The following GRM8 variants were observed in gnomAD, a reference collection of about 807,000 sequenced individuals.
GRM8 encodes glutamate metabotropic receptor 8.
Under a neutral mutation model 87.2 loss-of-function variants are expected in GRM8, and 47 were observed. The observed-to-expected ratio is 0.54, with a 90% CI of 0.43 to 0.69. The LOEUF is 0.69. Ranked by LOEUF, GRM8 falls within the 30% of genes least tolerant of loss-of-function variation. The probability of loss-of-function intolerance (pLI) is 0.00; values close to 1 mark genes in which losing one functional copy is unlikely to be tolerated. For missense variants in GRM8, 1,019 were observed against 1,139.2 expected (o/e 0.89, Z 1.52); for synonymous variants, 396 against 404.5 (o/e 0.98, Z 0.25).
At chr7:127,117,143 T>TA (rs1248498751) in intron 2 of GRM8, among the ~76,000 whole-genome samples, 1 of 152,122 alleles carries the variant, frequency 6.6e-6, no homozygotes. Flanking sequence ...CTTAGGAAAG[T>TA]AAAAAATAAG....
At chr7:126,696,042 A>G (rs1407666346) in intron 7 of GRM8, among the ~76,000 whole-genome samples, 2 of 152,122 alleles carry the variant, frequency 1.3e-5, no homozygotes, top group Non-Finnish European at 2.9e-5. Flanking sequence ...ACCAGGTAAA[A>G]TGTGATGACG....
At chr7:126,516,760 A>C (rs940192847) in intron 9 of GRM8, among the ~76,000 whole-genome samples, 1 of 152,120 alleles carries the variant, frequency 6.6e-6, no homozygotes, top group Non-Finnish European at 1.5e-5. Flanking sequence ...CAAATAGAAA[A>C]TACTGTTACT....
At chr7:126,616,301 G>A (rs1403093289) in intron 7 of GRM8, among the ~76,000 whole-genome samples, 1 of 152,176 alleles carries the variant, frequency 6.6e-6, no homozygotes, top group African/African-American at 2.4e-5. Context: ...AATGAAGTCA[G>A]AAATAAAGAC....
intron 3 of GRM8, among the ~76,000 whole-genome samples, chr7:126,990,929 A>G (rs895280993): frequency 6.6e-6 from 1 of 152,168 alleles, no homozygotes; most frequent in African/African-American, 2.4e-5. Context: ...GGTGTTAGAG[A>G]AGTCAATTCT....
intron 6 of GRM8, among the ~76,000 whole-genome samples, chr7:126,788,200 A>G (rs890433298): frequency 1.3e-5 from 2 of 151,910 alleles, no homozygotes; most frequent in Admixed American, 1.3e-4. Context: ...ACCTGAGGTC[A>G]GGATTTTGAG....
intron 6 of GRM8, among the ~76,000 whole-genome samples, chr7:126,790,547 T>C (rs1585945463): frequency 6.6e-6 from 1 of 152,230 alleles, no homozygotes; most frequent in African/African-American, 2.4e-5. Context: ...TTCATGTCAC[T>C]GCATTAGCCA....
At chr7:126,842,974 A>G (rs1796408222) in intron 6 of GRM8, among the ~76,000 whole-genome samples, 1 of 152,216 alleles carries the variant, frequency 6.6e-6, no homozygotes, top group Non-Finnish European at 1.5e-5. Flanking sequence ...ACAATTGTGA[A>G]AAATGAGGGG....
chr7:126,760,129 C>T (rs1411787691), intron 7 of GRM8, among the ~76,000 whole-genome samples: 2 of 152,164 alleles, frequency 1.3e-5, no homozygotes, highest in Non-Finnish European at 2.9e-5. Context: ...GACCCAAGGT[C>T]AGCCCTCAAT....
intron 3 of GRM8, among the ~76,000 whole-genome samples, chr7:126,994,004 G>A (rs753741969): frequency 1.7e-4 from 26 of 152,186 alleles, no homozygotes; most frequent in Non-Finnish European, 2.5e-4. Context: ...GACACCAGAT[G>A]GGCCAGCTAG....
chr7:126,656,225 G>A (rs748409400), intron 7 of GRM8, among the ~76,000 whole-genome samples: 3 of 152,168 alleles, frequency 2.0e-5, no homozygotes, highest in Non-Finnish European at 4.4e-5. Context: ...TGCTGACTGT[G>A]CCCCACACAT....
At chr7:126,754,147 T>C (rs1300127491) in intron 7 of GRM8, among the ~76,000 whole-genome samples, 1 of 151,880 alleles carries the variant, frequency 6.6e-6, no homozygotes. Context: ...GTTAATTTTT[T>C]ATGTTAGATT....
chr7:127,093,665 T>C (rs764080040), intron 3 of GRM8, among the ~76,000 whole-genome samples: 3 of 152,216 alleles, frequency 2.0e-5, no homozygotes, highest in Non-Finnish European at 2.9e-5. Context: ...TATGTTTAAA[T>C]CATTACTTGA....
intron 3 of GRM8, among the ~76,000 whole-genome samples, chr7:126,922,411 A>C (rs1187952103): frequency 6.7e-6 from 1 of 148,546 alleles, no homozygotes; most frequent in Non-Finnish European, 1.5e-5. Context: ...AGACAATCAA[A>C]ATGAAAGCTA....
chr7:126,757,899 A>C (rs1468726160), intron 7 of GRM8, among the ~76,000 whole-genome samples: 1 of 152,194 alleles, frequency 6.6e-6, no homozygotes, highest in African/African-American at 2.4e-5. Context: ...TATAGGTTTT[A>C]GGTCATTTTA....
intron 6 of GRM8, among the ~76,000 whole-genome samples, chr7:126,853,430 A>T (rs1048537216): frequency 6.6e-6 from 1 of 152,168 alleles, no homozygotes; most frequent in Non-Finnish European, 1.5e-5. Flanking sequence ...CCTCTAATGG[A>T]CAAGTCTTGC....
At chr7:126,968,473 C>T (rs1266584353) in intron 3 of GRM8, among the ~76,000 whole-genome samples, 1 of 152,112 alleles carries the variant, frequency 6.6e-6, no homozygotes, top group East Asian at 1.9e-4. Context: ...TATAAAGTTA[C>T]CCTAATTAAC....
rs140103201 is a variant in GRM8 at position 127,076,890 on chromosome 7, T to A, written c.727+29606A>T. ...ACAGTATTTTAGAGCTGTCTGTGGT[T>A]AAACAGTGGACAATTTAGGCCAATC... On this transcript the variant is annotated intron_variant, in intron 3 of 10. Transcript: ENST00000339582. Among the ~76,000 whole-genome samples, 1,229 of 152,286 alleles carry A rather than the reference T, an allele frequency of 8.1e-3. 11 individuals are homozygous for A. The highest frequency in any genetic ancestry group is 0.027 in the African/African-American group (1,139 of 41,550).
chr7:127,248,879 T>C (rs927843696), intron 1 of GRM8, among the ~76,000 whole-genome samples: 1 of 151,958 alleles, frequency 6.6e-6, no homozygotes, highest in Non-Finnish European at 1.5e-5. Flanking sequence ...GAAGGAAAAC[T>C]GGAAAGGACG....
At position 126,630,102 on chromosome 7, in the gene GRM8, TA is replaced by T. The variant is rs559695396; in HGVS notation, c.1358-20605del. 7.3e-4 allele frequency among the ~76,000 whole-genome samples: 110 copies of T among 149,898 alleles called. 1 individual carries two copies. In the South Asian group the frequency reaches 0.022, roughly 31 times the overall value. ...AACATGAAATTCTTAACAAAAGCCT[TA>T]AAAAATTAAAAAGTTAACACAACAC... On this transcript the variant is annotated intron_variant, in intron 7 of 10. Coordinates refer to ENST00000339582, the MANE Select transcript of GRM8 (RefSeq NM_000845.3).
Sources: allele counts gnomAD v4.1 joint callset (sites outside exome capture counted in the v4.1 genomes callset), GRCh38; gene constraint gnomAD v4.1.1; transcripts MANE v1.5; gene names NCBI Gene and HGNC (gene_info 2026-07-23, HGNC 2026-07-21).